Variants in RAB38 observed in about 807,000 individuals in gnomAD.
RAB38 encodes the protein ras-related protein Rab-38.
Under a neutral mutation model 18.4 loss-of-function variants are expected in RAB38, and 15 were observed. That is an observed-to-expected ratio of 0.82 (90% CI 0.55 to 1.26). The LOEUF (loss-of-function observed/expected upper bound fraction) is 1.26, where lower values mean the gene tolerates loss of function less well. Ranked by LOEUF, RAB38 falls within the 50% of genes most tolerant of loss-of-function variation. The pLI is 0.00. For synonymous variants in RAB38, 101 were observed against 104.4 expected, an observed-to-expected ratio of 0.97 and a Z score of 0.20; for missense variants, 294 against 267.4, an observed-to-expected ratio of 1.10 and a Z score of -0.69.
At chr11:87,886,491 G>A in the RAB38 span, among the ~76,000 whole-genome samples, 1 of 151,878 alleles carries the variant, frequency 6.6e-6, no homozygotes, top group Non-Finnish European at 1.5e-5. Flanking sequence ...ATCAAGTGCT[G>A]CAAACGGGAT....
intron 1 of RAB38, among the ~76,000 whole-genome samples, chr11:88,150,492 C>T (rs942819447): frequency 1.3e-4 from 20 of 152,098 alleles, no homozygotes; most frequent in African/African-American, 4.3e-4. Context: ...GGAAGACAGA[C>T]TCTAAACAAT....
At chr11:88,051,536 C>CA in the RAB38 span, among the ~76,000 whole-genome samples, 109 of 126,902 alleles carry the variant, frequency 8.6e-4, no homozygotes, top group East Asian at 2.1e-3. Context: ...CGGAACCTAA[C>CA]AAAAAAAAAA....
chr11:88,067,661 CAT>C, the RAB38 span, among the ~76,000 whole-genome samples: 1 of 152,072 alleles, frequency 6.6e-6, no homozygotes, highest in South Asian at 2.1e-4. Flanking sequence ...TCAGAGTTCA[CAT>C]GTTAGTCTAA....
chr11:88,082,767 T>C, the RAB38 span, among the ~76,000 whole-genome samples: 1 of 151,914 alleles, frequency 6.6e-6, no homozygotes, highest in African/African-American at 2.4e-5. Context: ...ATTTTTGCAA[T>C]TGCTCTCTAA....
chr11:87,951,490 TTTTTC>T, the RAB38 span, among the ~76,000 whole-genome samples: 5 of 147,202 alleles, frequency 3.4e-5, no homozygotes, highest in Non-Finnish European at 3.0e-5. Context: ...GAGTTTCTGG[TTTTTC>T]TGCTCTGTTT....
chr11:87,976,841 ATTGTG>A, the RAB38 span, among the ~76,000 whole-genome samples: 3 of 55,172 alleles, frequency 5.4e-5, no homozygotes, highest in African/African-American at 2.7e-4. Context: ...ATAAATATAT[ATTGTG>A]TTATATAATG....
chr11:87,912,383 A>G, the RAB38 span, among the ~76,000 whole-genome samples: 1 of 151,986 alleles, frequency 6.6e-6, no homozygotes, highest in African/African-American at 2.4e-5. Context: ...TAATTGATAT[A>G]GGGCTATTCA....
the RAB38 span, among the ~76,000 whole-genome samples, chr11:88,090,601 A>G: frequency 6.6e-6 from 1 of 152,030 alleles, no homozygotes; most frequent in Non-Finnish European, 1.5e-5. Context: ...ATGAGAAAAA[A>G]AAATCTGTTA....
intron 1 of RAB38, chr11:88,167,620 A>G (rs1943260364): frequency 6.6e-6 from 1 of 152,200 alleles, no homozygotes; most frequent in South Asian, 2.1e-4. Context: ...ACAAAATTTA[A>G]TTAGTACTTG....
chr11:88,006,931 A>C, the RAB38 span, among the ~76,000 whole-genome samples: 2 of 151,616 alleles, frequency 1.3e-5, no homozygotes, highest in African/African-American at 2.4e-5. Context: ...AAGTTCTGTC[A>C]GTCTATTGCA....
At chr11:88,022,771 T>C in the RAB38 span, among the ~76,000 whole-genome samples, 1 of 152,190 alleles carries the variant, frequency 6.6e-6, no homozygotes, top group Non-Finnish European at 1.5e-5. Context: ...GTGTACCACA[T>C]TTTCTTTACC....
the RAB38 span, among the ~76,000 whole-genome samples, chr11:87,949,279 TTTTCTTC>T: frequency 6.6e-6 from 1 of 152,210 alleles, no homozygotes; most frequent in Admixed American, 6.5e-5. Context: ...TTCTTCTCTC[TTTTCTTC>T]TTTGTTAGTT....
the RAB38 span, among the ~76,000 whole-genome samples, chr11:87,973,402 A>C: frequency 6.6e-6 from 1 of 152,076 alleles, no homozygotes; most frequent in Non-Finnish European, 1.5e-5. Flanking sequence ...CACATGAAGC[A>C]GTTGTCTTCA....
chr11:88,059,331 A>G, the RAB38 span, among the ~76,000 whole-genome samples: 1 of 152,176 alleles, frequency 6.6e-6, no homozygotes, highest in Non-Finnish European at 1.5e-5. Context: ...CCTCTGGCTT[A>G]TAATCTCTAT....
chr11:88,055,620 A>G, the RAB38 span, among the ~76,000 whole-genome samples: 1 of 152,248 alleles, frequency 6.6e-6, no homozygotes. Flanking sequence ...AAACAAGTCA[A>G]CAAAGAGTAT....
chr11:87,827,818 C>T, the RAB38 span, among the ~76,000 whole-genome samples: 1 of 152,132 alleles, frequency 6.6e-6, no homozygotes, highest in Non-Finnish European at 1.5e-5. Context: ...ATAGAAGCTG[C>T]TCTAAACTGT....
At chr11:88,136,282 C>T (rs1406832734) in intron 2 of RAB38, among the ~76,000 whole-genome samples, 2 of 152,108 alleles carry the variant, frequency 1.3e-5, no homozygotes, top group Non-Finnish European at 2.9e-5. Context: ...GAAATCAATA[C>T]CTCGGTAGCA....
At chr11:87,895,909 C>T in the RAB38 span, among the ~76,000 whole-genome samples, 3 of 151,732 alleles carry the variant, frequency 2.0e-5, no homozygotes, top group African/African-American at 7.2e-5. Context: ...GGAACATTTC[C>T]TGAAACTATT....
chr11:87,809,148 G>C, the RAB38 span, among the ~76,000 whole-genome samples: 1 of 152,092 alleles, frequency 6.6e-6, no homozygotes, highest in Non-Finnish European at 1.5e-5. Context: ...AATGAAGAAA[G>C]TGATCTAATT....
Sources: gnomAD v4.1 joint callset for allele counts (sites outside exome capture counted in the v4.1 genomes callset) on GRCh38, gnomAD v4.1.1 for gene constraint, MANE v1.5 for transcripts, NCBI Gene and HGNC (gene_info 2026-07-23, HGNC 2026-07-21) for gene names.